Variants in DGKI observed in about 807,000 individuals in gnomAD.
DGKI encodes the protein DAG kinase iota.
Under a neutral mutation model 147.5 loss-of-function variants are expected in DGKI, and 55 were observed. The observed-to-expected ratio is 0.37, with a 90% CI of 0.30 to 0.47. The LOEUF is 0.47. DGKI is among the 20% of genes least tolerant of loss of function. The pLI is 1.00. For synonymous variants in DGKI, 469 were observed against 477.1 expected, an observed-to-expected ratio of 0.98 and a Z score of 0.22; for missense variants, 1,007 against 1,323.8, an observed-to-expected ratio of 0.76 and a Z score of 3.71.
At chr7:137,664,484 T>C (rs533521704) in intron 3 of DGKI, among the ~76,000 whole-genome samples, 27 of 152,178 alleles carry the variant, frequency 1.8e-4, no homozygotes, top group African/African-American at 5.3e-4. Context: ...AACTATAATA[T>C]TTTTGTGAGC....
intron 12 of DGKI, among the ~76,000 whole-genome samples, chr7:137,587,590 C>A (rs558317836): frequency 6.6e-6 from 1 of 152,256 alleles, no homozygotes; most frequent in South Asian, 2.1e-4. Context: ...GGCTGCATAA[C>A]CTTGACTAAA....
At chr7:137,536,227 ATAGCATGCAATCATAGGCAAGTTTCC>A (rs1159461525) in intron 20 of DGKI, among the ~76,000 whole-genome samples, 1 of 152,176 alleles carries the variant, frequency 6.6e-6, no homozygotes. Flanking sequence ...TTATCAATGT[ATAGCATGCAATCATAGGCAAGTTTCC>A]TACCATTTCT....
chr7:137,631,143 C>A (rs575387873), intron 6 of DGKI, among the ~76,000 whole-genome samples: 1 of 152,148 alleles, frequency 6.6e-6, no homozygotes, highest in Non-Finnish European at 1.5e-5. Context: ...TACTCTTTAG[C>A]CTTAGCTCGT....
intron 21 of DGKI, among the ~76,000 whole-genome samples, chr7:137,501,877 T>A (rs1247779053): frequency 6.6e-6 from 1 of 152,076 alleles, no homozygotes; most frequent in Non-Finnish European, 1.5e-5. Flanking sequence ...AATTCCCACA[T>A]GTTGTGGGAG....
At chr7:137,799,615 T>C (rs534617210) in intron 1 of DGKI, among the ~76,000 whole-genome samples, 1 of 152,326 alleles carries the variant, frequency 6.6e-6, no homozygotes, top group Admixed American at 6.5e-5. Flanking sequence ...TATTTTGATA[T>C]TATGGTTCAT....
intron 6 of DGKI, among the ~76,000 whole-genome samples, chr7:137,624,304 T>C (rs1284915491): frequency 6.6e-6 from 1 of 152,164 alleles, no homozygotes; most frequent in Non-Finnish European, 1.5e-5. Flanking sequence ...GCTCATCCAT[T>C]TCCCTCTGCC....
intron 1 of DGKI, among the ~76,000 whole-genome samples, chr7:137,767,289 C>G (rs1796040427): frequency 1.3e-5 from 2 of 151,952 alleles, no homozygotes; most frequent in Non-Finnish European, 2.9e-5. Context: ...TAAGAAACAG[C>G]TACTGGGCTT....
At position 137,585,429 on chromosome 7, in the gene DGKI, G is replaced by A. The variant is rs573662388; in HGVS notation, c.1426-83C>T. ...GCTATTTTACGCAAGGAAGAGCCAA[G>A]CCGTTATATTGTTTATTTTATAATT... On this transcript the variant is annotated intron_variant, in intron 13 of 32. Transcript: ENST00000614521. 3.1e-5 allele frequency: 47 copies of A among 1,499,930 alleles called. No individual in the cohort carries two copies. In the South Asian group the frequency reaches 5.2e-4, roughly 16 times the overall value. 92.9% of individuals were successfully genotyped at this position (1,499,930 alleles called of 1,614,324 possible). A position where few individuals can be genotyped will look rare whatever the true frequency, so the allele number is the denominator to read the frequency against.
At chr7:137,766,398 A>G (rs1796014983) in intron 1 of DGKI, among the ~76,000 whole-genome samples, 2 of 152,252 alleles carry the variant, frequency 1.3e-5, no homozygotes, top group South Asian at 4.1e-4. Flanking sequence ...AAGTTCCACA[A>G]GGACACAGAG....
At chr7:137,843,542 T>G in intron 1 of DGKI, 22 of 346,934 alleles carry the variant, frequency 6.3e-5, no homozygotes, top group Non-Finnish European at 7.7e-5. Flanking sequence ...AGGGGAAATC[T>G]AGGAGTACAG....
chr7:137,435,008 T>C (rs78059311), intron 28 of DGKI, among the ~76,000 whole-genome samples: 77 of 152,226 alleles, frequency 5.1e-4, no homozygotes, highest in African/African-American at 1.8e-3. Flanking sequence ...ACATAGTAAC[T>C]GAATCTCTGG....
chr7:137,387,500 AC>A lies in DGKI; in HGVS notation c.*3719del, dbSNP rs1176763755. 6.6e-6 allele frequency: 1 copy of A among 152,168 alleles called. No homozygotes were observed. Among genetic ancestry groups the A allele is most frequent in the Admixed American group, 6.6e-5 (1 of 15,262 alleles). The allele number at this position is 152,168 out of a possible 1,614,324, so 9.4% of individuals were successfully genotyped here. A position where few individuals can be genotyped will look rare whatever the true frequency, so the allele number is the denominator to read the frequency against. On this transcript the variant is annotated 3_prime_UTR_variant, in exon 33 of 33. Coordinates refer to ENST00000614521, the MANE Select transcript of DGKI (RefSeq NM_001321708.2). The stretch of plus-strand genomic sequence containing the variant: ...TTTTAAAATGTTTGCTCTTTTCTAA[AC>A]CTATGCAATATACATGAATATAGTA...
chr7:137,619,765 G>A, intron 8 of DGKI, 59 bp downstream of exon 8: 5 of 1,323,642 alleles, frequency 3.8e-6, no homozygotes, highest in Non-Finnish European at 5.4e-6. Context: ...AGAAAAGCAC[G>A]AAGCAGCAGT....
At chr7:137,462,431 G>C (rs1019767106) in intron 27 of DGKI, among the ~76,000 whole-genome samples, 5 of 152,148 alleles carry the variant, frequency 3.3e-5, no homozygotes, top group African/African-American at 4.8e-5. Flanking sequence ...CTTCACACAA[G>C]AAAATAAGAG....
At chr7:137,499,093 C>T (rs1396189768) in intron 21 of DGKI, among the ~76,000 whole-genome samples, 1 of 152,150 alleles carries the variant, frequency 6.6e-6, no homozygotes, top group African/African-American at 2.4e-5. Context: ...CTTTTCTTTA[C>T]ACAGGGGGAT....
At chr7:137,625,449 G>A (rs1400455714) in intron 6 of DGKI, among the ~76,000 whole-genome samples, 1 of 151,574 alleles carries the variant, frequency 6.6e-6, no homozygotes, top group Non-Finnish European at 1.5e-5. Flanking sequence ...GATAGAGCAA[G>A]ACTCCATCTC....
intron 23 of DGKI, among the ~76,000 whole-genome samples, chr7:137,479,175 A>T (rs1432955403): frequency 6.6e-6 from 1 of 152,200 alleles, no homozygotes; most frequent in Admixed American, 6.5e-5. Context: ...ATTTAGATGA[A>T]TGCAACTGTC....
intron 1 of DGKI, among the ~76,000 whole-genome samples, chr7:137,721,130 G>A (rs1794544693): frequency 6.6e-6 from 1 of 152,076 alleles, no homozygotes; most frequent in South Asian, 2.1e-4. Context: ...CTGTAATTCG[G>A]GAATTAATTT....
rs58529038 is a variant in DGKI, at chr7:137,563,602, A to G, written c.1947+7573T>C. 6.8e-3 allele frequency among the ~76,000 whole-genome samples: 1,039 copies of G among 152,218 alleles called. 12 individuals are homozygous for G. Among genetic ancestry groups the G allele is most frequent in the African/African-American group, 0.024 (992 of 41,576 alleles). On this transcript the variant is annotated intron_variant, in intron 19 of 32. Coordinates refer to ENST00000614521, the MANE Select transcript of DGKI (RefSeq NM_001321708.2). ...TTAGCAAAGTTATGAGACAAGGTCA[A>G]TAAACAAATATGTATTTGTATATGT...
Sources: allele counts gnomAD v4.1 joint callset (sites outside exome capture counted in the v4.1 genomes callset), GRCh38; gene constraint gnomAD v4.1.1; transcripts MANE v1.5; gene names NCBI Gene and HGNC (gene_info 2026-07-23, HGNC 2026-07-21).